ARPP21: variants seen among roughly 807,000 people sequenced by gnomAD.
The protein encoded by ARPP21 is cAMP regulated phosphoprotein 21.
A neutral mutation model predicts 113.2 loss-of-function variants in ARPP21; 69 were observed. That is an observed-to-expected ratio of 0.61 (90% CI 0.50 to 0.74). The LOEUF (loss-of-function observed/expected upper bound fraction) is 0.74, where lower values mean the gene tolerates loss of function less well. Among genes scored for constraint, ARPP21 ranks in the 30% least tolerant of loss-of-function variants. The probability of loss-of-function intolerance (pLI) is 0.00; values close to 1 mark genes in which losing one functional copy is unlikely to be tolerated. For synonymous variants in ARPP21, 368 were observed against 375.5 expected, an observed-to-expected ratio of 0.98 and a Z score of 0.23; for missense variants, 1,070 against 1,037.4, an observed-to-expected ratio of 1.03 and a Z score of -0.43.
At chr3:35,675,801 T>A (rs1575688669) in intron 1 of ARPP21, among the ~76,000 whole-genome samples, 1 of 97,668 alleles carries the variant, frequency 1.0e-5, no homozygotes, top group Non-Finnish European at 2.3e-5. Flanking sequence ...AAGATGAAGA[T>A]GATGATGATG....
intron 15 of ARPP21, among the ~76,000 whole-genome samples, chr3:35,734,260 G>T (rs1053286802): frequency 1.3e-5 from 2 of 152,088 alleles, no homozygotes; most frequent in African/African-American, 4.8e-5. Flanking sequence ...GAAAATTAAA[G>T]ATTAGAACAC....
intron 1 of ARPP21, among the ~76,000 whole-genome samples, chr3:35,655,421 G>C (rs1052199265): frequency 6.6e-6 from 1 of 151,872 alleles, no homozygotes; most frequent in Non-Finnish European, 1.5e-5. Flanking sequence ...TAGGATAATA[G>C]AAGAGAATCA....
chr3:35,721,744 A>G lies in ARPP21; in HGVS notation c.1135A>G (p.Thr379Ala). The change falls in exon 14 of 21, where the codon ACC (threonine) becomes GCC (alanine). Residue 379 changes from threonine (T) to alanine (A), a missense_variant. By Grantham distance (58) the Thr-to-Ala change is moderately conservative. Coordinates refer to ENST00000684406, the MANE Select transcript of ARPP21 (RefSeq NM_001385562.1). Reference protein sequence around the residue: ...SSNRNLKPAMTKTASFGGITV... With the variant: ...SSNRNLKPAMAKTASFGGITV... Reference sequence around the variant, plus strand: ...CAACCGCAATCTAAAGCCCGCCATGACCAAGACGGCGAGTTTTGGGGGCAT... The same window carrying G: ...CAACCGCAATCTAAAGCCCGCCATGGCCAAGACGGCGAGTTTTGGGGGCAT... 6.2e-7 allele frequency: 1 copy of G among 1,613,878 alleles called. No individual in the cohort carries two copies. Among genetic ancestry groups the G allele is most frequent in the Non-Finnish European group, 8.5e-7 (1 of 1,179,898 alleles).
chr3:35,743,775 T>C, intron 18 of ARPP21, 64 bp from the exon 19 acceptor site: 3 of 1,560,456 alleles, frequency 1.9e-6, no homozygotes, highest in Non-Finnish European at 2.6e-6. Flanking sequence ...AAGCATATTT[T>C]AAGTTTAAAA....
intron 3 of ARPP21, 57 bp from the exon 4 acceptor site, chr3:35,682,791 A>G: frequency 3.4e-6 from 5 of 1,488,752 alleles, no homozygotes; most frequent in Non-Finnish European, 4.6e-6. Flanking sequence ...TTGTTGATTT[A>G]CTGTTCGTTT....
At chr3:35,696,242 G>A (rs1189263801) in intron 9 of ARPP21, among the ~76,000 whole-genome samples, 2 of 151,556 alleles carry the variant, frequency 1.3e-5, no homozygotes, top group African/African-American at 2.4e-5. Context: ...CATGGGGCTG[G>A]AACATTTATG....
At position 35,793,684 on chromosome 3, in the gene ARPP21, C is replaced by A; in HGVS notation, c.2287-17C>A. 1 of 1,605,706 alleles carries A rather than the reference C, an allele frequency of 6.2e-7. No individual in the cohort carries two copies. Among genetic ancestry groups the A allele is most frequent in the Non-Finnish European group, 8.5e-7 (1 of 1,172,352 alleles). On this transcript the variant is annotated splice_polypyrimidine_tract_variant and intron_variant, in intron 20 of 20. Coordinates refer to ENST00000684406, the MANE Select transcript of ARPP21 (RefSeq NM_001385562.1). ...ATAGTCTCTTCATACAGGGTTCTTG[C>A]TTGTGTCTTTTTACAGGTGCCAATG...
At chr3:35,749,729 G>A (rs2095331108) in intron 19 of ARPP21, among the ~76,000 whole-genome samples, 1 of 152,004 alleles carries the variant, frequency 6.6e-6, no homozygotes, top group African/African-American at 2.4e-5. Context: ...TAAATTGTGA[G>A]TTAATTTTTT....
In ARPP21 at chr3:35,743,842, C is replaced by T. The variant is rs754025228; in HGVS notation, c.2014C>T (p.Pro672Ser). 4 of 1,613,720 alleles carry T rather than the reference C, an allele frequency of 2.5e-6. No individual in the cohort carries two copies. The highest frequency in any genetic ancestry group is 3.4e-6 in the Non-Finnish European group (4 of 1,179,636). The change falls in exon 19 of 21, where the codon CCT becomes TCT. Residue 672 changes from proline to serine, a missense_variant. Pro to Ser is a moderately conservative substitution (Grantham distance 74, BLOSUM62 -1). Transcript: ENST00000684406. ...TTCTTCCTCCTTTCTTCCACAGATG[C>T]CTGTATATTATTACCCATCTGGTCA... ...FVQQPPPAQM[P>S]VYYYPSGQYP...
rs886628199 is a variant in ARPP21, at chr3:35,721,713, C to A, written c.1104C>A (p.Asp368Glu). The A allele has an allele frequency of 1.2e-6, 2 of 1,613,898 alleles. No individual in the cohort carries two copies. Among genetic ancestry groups the A allele is most frequent in the Admixed American group, 3.3e-5 (2 of 60,002 alleles). Reference sequence around the variant, plus strand: ...GGGCCTGGAGCAGCACAGACTCCGACAGTTCCAACCGCAATCTAAAGCCCG... The same window carrying A: ...GGGCCTGGAGCAGCACAGACTCCGAAAGTTCCAACCGCAATCTAAAGCCCG... Reference protein sequence around the residue: ...HQRAWSSTDSDSSNRNLKPAM... With the variant: ...HQRAWSSTDSESSNRNLKPAM... Residue 368 changes from aspartate to glutamate, a missense_variant, in exon 14 of 21, where the codon GAC becomes GAA. Transcript: ENST00000684406.
chr3:35,672,825 G>A lies in ARPP21; in HGVS notation c.-212-6962G>A, dbSNP rs150618305. Among the ~76,000 whole-genome samples, 645 of 152,140 alleles carry A rather than the reference G, an allele frequency of 4.2e-3. 6 individuals carry two copies. Among genetic ancestry groups the A allele is most frequent in the African/African-American group, 0.015 (607 of 41,552 alleles). ...ACTTAACACTAAAGATATAGGACAGGCAGACAGCTTGCTGTCTTCCCTGCT... is the reference window on the plus strand; with the variant it reads ...ACTTAACACTAAAGATATAGGACAGACAGACAGCTTGCTGTCTTCCCTGCT... On this transcript the variant is annotated intron_variant, in intron 1 of 20. Transcript: ENST00000684406.
At chr3:35,753,790 A>G (rs143832909) in intron 19 of ARPP21, among the ~76,000 whole-genome samples, 171 of 152,096 alleles carry the variant, frequency 1.1e-3, no homozygotes, top group African/African-American at 4.0e-3. Flanking sequence ...AGCTCCAAGT[A>G]AGAAATAAGG....
chr3:35,696,716 T>C (rs2149757897), intron 9 of ARPP21, among the ~76,000 whole-genome samples: 1 of 151,756 alleles, frequency 6.6e-6, no homozygotes, highest in African/African-American at 2.4e-5. Flanking sequence ...TTATAAATGA[T>C]ATTTATAATA....
intron 19 of ARPP21, among the ~76,000 whole-genome samples, chr3:35,755,253 C>G (rs895675877): frequency 6.6e-6 from 1 of 151,822 alleles, no homozygotes; most frequent in African/African-American, 2.4e-5. Flanking sequence ...TTTTCAGTCC[C>G]ACTTTTCTTC....
At chr3:35,726,681 G>T (rs535510262) in intron 14 of ARPP21, among the ~76,000 whole-genome samples, 15 of 152,250 alleles carry the variant, frequency 9.9e-5, no homozygotes, top group Non-Finnish European at 1.9e-4. Flanking sequence ...CTTTGGATTG[G>T]ATTGTGACAC....
At chr3:35,694,607 C>T (rs1394570241) in intron 9 of ARPP21, among the ~76,000 whole-genome samples, 3 of 151,186 alleles carry the variant, frequency 2.0e-5, no homozygotes, top group African/African-American at 7.3e-5. Context: ...ACCAATGTGT[C>T]TAATATCAAA....
chr3:35,681,680 A>C (rs1321107486), intron 2 of ARPP21, 34 bp from the exon 3 acceptor site: 3 of 1,172,648 alleles, frequency 2.6e-6, no homozygotes, highest in Non-Finnish European at 3.7e-6. Flanking sequence ...AATACCTTGC[A>C]CTGACTTTAT....
At chr3:35,698,489 T>A (rs979705553) in intron 9 of ARPP21, among the ~76,000 whole-genome samples, 6 of 151,668 alleles carry the variant, frequency 4.0e-5, no homozygotes, top group Admixed American at 1.3e-4. Context: ...GTTTAATAAT[T>A]TTATCTATTT....
intron 19 of ARPP21, chr3:35,744,492 G>A (rs920224719): frequency 1.9e-6 from 1 of 530,442 alleles, no homozygotes; most frequent in Non-Finnish European, 3.9e-6. Context: ...GTGGGAAGGG[G>A]GGCCGATACA....
Sources: gnomAD v4.1 joint callset for allele counts (sites outside exome capture counted in the v4.1 genomes callset) on GRCh38, gnomAD v4.1.1 for gene constraint, MANE v1.5 for transcripts, NCBI Gene and HGNC (gene_info 2026-07-23, HGNC 2026-07-21) for gene names.